The following PABPC4L variants were observed in gnomAD, a reference collection of about 807,000 sequenced individuals.
PABPC4L encodes poly(A) binding protein cytoplasmic 4 like, also known as polyadenylate-binding protein 4-like.
For missense variants in PABPC4L, 452 were observed against 451.4 expected (o/e 1.00, Z -0.01); for synonymous variants, 169 against 164.1 (o/e 1.03, Z -0.23).
At chr4:134,090,448 A>G in the PABPC4L span, among the ~76,000 whole-genome samples, 1 of 152,028 alleles carries the variant, frequency 6.6e-6, no homozygotes, top group East Asian at 1.9e-4. Flanking sequence ...ATGGCTAACC[A>G]AAGTCTCAGC....
the PABPC4L span, among the ~76,000 whole-genome samples, chr4:134,007,870 C>T: frequency 5.9e-5 from 9 of 151,556 alleles, no homozygotes; most frequent in African/African-American, 1.7e-4. Flanking sequence ...TTACATTTTA[C>T]AATTATTAAA....
chr4:134,158,488 A>G, the PABPC4L span, among the ~76,000 whole-genome samples: 8 of 152,198 alleles, frequency 5.3e-5, no homozygotes, highest in Admixed American at 1.3e-4. Context: ...GTAAATTTAG[A>G]CAGACATAAA....
At chr4:134,060,484 T>C in the PABPC4L span, among the ~76,000 whole-genome samples, 1 of 151,428 alleles carries the variant, frequency 6.6e-6, no homozygotes, top group Non-Finnish European at 1.5e-5. Flanking sequence ...AGGACCTTTG[T>C]CTTGAATCTT....
At chr4:134,076,432 C>G in the PABPC4L span, among the ~76,000 whole-genome samples, 1 of 152,034 alleles carries the variant, frequency 6.6e-6, no homozygotes, top group African/African-American at 2.4e-5. Context: ...GTAGGGCCAG[C>G]AGTAACAGTG....
chr4:133,992,437 G>A, the PABPC4L span, among the ~76,000 whole-genome samples: 1 of 152,124 alleles, frequency 6.6e-6, no homozygotes, highest in African/African-American at 2.4e-5. Context: ...ATTGTGTTTG[G>A]GCAGGTATAC....
the PABPC4L span, among the ~76,000 whole-genome samples, chr4:134,099,109 T>C: frequency 6.6e-6 from 1 of 151,720 alleles, no homozygotes; most frequent in Admixed American, 6.6e-5. Flanking sequence ...TTATTCACAA[T>C]CCGATTTTAC....
chr4:133,977,675 A>G, the PABPC4L span, among the ~76,000 whole-genome samples: 2 of 152,082 alleles, frequency 1.3e-5, no homozygotes, highest in Non-Finnish European at 2.9e-5. Context: ...GGATACACAT[A>G]TATTTACATA....
At chr4:134,068,573 T>A in the PABPC4L span, among the ~76,000 whole-genome samples, 3 of 152,170 alleles carry the variant, frequency 2.0e-5, no homozygotes, top group Non-Finnish European at 4.4e-5. Context: ...TGTTGTTAGC[T>A]GGTTATTATG....
At chr4:134,138,924 C>T in the PABPC4L span, among the ~76,000 whole-genome samples, 2 of 151,794 alleles carry the variant, frequency 1.3e-5, no homozygotes, top group African/African-American at 4.8e-5. Context: ...AATATTCAAA[C>T]TGACTAATAT....
chr4:134,175,774 A>G, the PABPC4L span, among the ~76,000 whole-genome samples: 1 of 152,176 alleles, frequency 6.6e-6, no homozygotes, highest in African/African-American at 2.4e-5. Flanking sequence ...AAAAGAAGCA[A>G]TTAATAAAAT....
the PABPC4L span, among the ~76,000 whole-genome samples, chr4:133,964,337 C>CA: frequency 0.22 from 32,663 of 146,902 alleles, 4,554 homozygotes; most frequent in East Asian, 0.54. Flanking sequence ...TAAAAATTAC[C>CA]AAAAAAAAAA....
chr4:134,000,959 C>A, the PABPC4L span, among the ~76,000 whole-genome samples: 2 of 152,052 alleles, frequency 1.3e-5, no homozygotes, highest in Non-Finnish European at 2.9e-5. Context: ...TCTCAGGAGG[C>A]AACACTTCAT....
At chr4:134,151,177 AG>A in the PABPC4L span, among the ~76,000 whole-genome samples, 1 of 152,152 alleles carries the variant, frequency 6.6e-6, no homozygotes, top group Non-Finnish European at 1.5e-5. Context: ...TCTGAAAGGC[AG>A]GCAATCCCTT....
the PABPC4L span, among the ~76,000 whole-genome samples, chr4:134,078,578 T>A: frequency 6.6e-6 from 1 of 151,794 alleles, no homozygotes; most frequent in Non-Finnish European, 1.5e-5. Flanking sequence ...TAAAAAAGAC[T>A]CCAGTGACAG....
At chr4:134,092,105 C>G in the PABPC4L span, among the ~76,000 whole-genome samples, 1 of 151,918 alleles carries the variant, frequency 6.6e-6, no homozygotes, top group East Asian at 1.9e-4. Context: ...CAGGGAAATA[C>G]TGGGTAGAGG....
chr4:134,044,385 T>A, the PABPC4L span, among the ~76,000 whole-genome samples: 1 of 152,178 alleles, frequency 6.6e-6, no homozygotes, highest in Non-Finnish European at 1.5e-5. Context: ...TGCCTCAGCC[T>A]CCTGAGTAGC....
At chr4:134,184,558 T>G in the PABPC4L span, among the ~76,000 whole-genome samples, 1 of 152,126 alleles carries the variant, frequency 6.6e-6, no homozygotes, top group Admixed American at 6.6e-5. Context: ...CCTCCATATC[T>G]TTTCATGGCT....
At chr4:133,954,537 G>A in the PABPC4L span, among the ~76,000 whole-genome samples, 23 of 151,916 alleles carry the variant, frequency 1.5e-4, no homozygotes, top group Non-Finnish European at 5.9e-5. Flanking sequence ...TTTAAGGGCT[G>A]TCCCTCCAAA....
the PABPC4L span, among the ~76,000 whole-genome samples, chr4:134,073,216 T>C: frequency 6.6e-6 from 1 of 152,186 alleles, no homozygotes; most frequent in African/African-American, 2.4e-5. Flanking sequence ...ACTTCCTAGA[T>C]ACATGGGAGT....
Sources: gnomAD v4.1 joint callset for allele counts (sites outside exome capture counted in the v4.1 genomes callset) on GRCh38, gnomAD v4.1.1 for gene constraint, MANE v1.5 for transcripts, NCBI Gene and HGNC (gene_info 2026-07-23, HGNC 2026-07-21) for gene names.